The following NSMCE2 variants were observed in gnomAD, a reference collection of about 807,000 sequenced individuals.
The protein encoded by NSMCE2 is E3 SUMO-protein ligase NSE2.
A neutral mutation model predicts 23.8 loss-of-function variants in NSMCE2; 24 were observed. That is an observed-to-expected ratio of 1.01 (90% CI 0.73 to 1.42). The LOEUF is 1.42. NSMCE2 is among the 40% of genes most tolerant of loss of function. The probability of loss-of-function intolerance (pLI) is 0.00; values close to 1 mark genes in which losing one functional copy is unlikely to be tolerated. For synonymous variants in NSMCE2, 92 were observed against 94.1 expected (o/e 0.98, Z 0.13); for missense variants, 284 against 296.5 (o/e 0.96, Z 0.31).
chr8:125,287,055 G>GGT (rs2131148731), intron 5 of NSMCE2, among the ~76,000 whole-genome samples: 1 of 152,266 alleles, frequency 6.6e-6, no homozygotes, highest in Admixed American at 6.5e-5. Context: ...AATTTGGCCA[G>GGT]GTGTGGTGGC....
At chr8:125,295,824 A>G (rs193083677) in intron 5 of NSMCE2, among the ~76,000 whole-genome samples, 2 of 152,304 alleles carry the variant, frequency 1.3e-5, no homozygotes, top group African/African-American at 2.4e-5. Flanking sequence ...TTAAGCTCTA[A>G]TGAATTCTGT....
chr8:125,110,262 G>A (rs1189688602), intron 3 of NSMCE2, among the ~76,000 whole-genome samples: 1 of 152,192 alleles, frequency 6.6e-6, no homozygotes, highest in Non-Finnish European at 1.5e-5. Context: ...AGGATTAAAA[G>A]TTTTACCAGA....
At chr8:125,099,827 G>A (rs1818099993) in intron 1 of NSMCE2, among the ~76,000 whole-genome samples, 1 of 151,990 alleles carries the variant, frequency 6.6e-6, no homozygotes, top group South Asian at 2.1e-4. Flanking sequence ...TAGAGAAATG[G>A]GGCTGGTAAC....
chr8:125,351,123 G>T (rs1357655514), intron 5 of NSMCE2, among the ~76,000 whole-genome samples: 1 of 152,198 alleles, frequency 6.6e-6, no homozygotes, highest in Admixed American at 6.5e-5. Context: ...GAGCAACTCG[G>T]TGGATGCTGA....
intron 3 of NSMCE2, among the ~76,000 whole-genome samples, chr8:125,107,063 T>C (rs1474316071): frequency 6.6e-6 from 1 of 152,170 alleles, no homozygotes; most frequent in Non-Finnish European, 1.5e-5. Context: ...TTGTTGTCTT[T>C]GAAATTACAG....
At chr8:125,109,676 GTGTT>G (rs1273412079) in intron 3 of NSMCE2, among the ~76,000 whole-genome samples, 1 of 152,112 alleles carries the variant, frequency 6.6e-6, no homozygotes, top group East Asian at 1.9e-4. Context: ...GGGTGGTGAT[GTGTT>G]TTATTTTGTT....
At chr8:125,154,592 A>G (rs1821212946) in intron 4 of NSMCE2, among the ~76,000 whole-genome samples, 1 of 152,130 alleles carries the variant, frequency 6.6e-6, no homozygotes, top group Non-Finnish European at 1.5e-5. Flanking sequence ...AAATTCTCAG[A>G]TAGTCTCTAA....
At chr8:125,142,803 T>C (rs1820452500) in intron 3 of NSMCE2, among the ~76,000 whole-genome samples, 1 of 152,196 alleles carries the variant, frequency 6.6e-6, no homozygotes, top group Non-Finnish European at 1.5e-5. Context: ...GGTTTCTCCA[T>C]GTTGGTCAGG....
At chr8:125,354,868 A>G (rs1813186578) in intron 5 of NSMCE2, among the ~76,000 whole-genome samples, 1 of 152,168 alleles carries the variant, frequency 6.6e-6, no homozygotes, top group South Asian at 2.1e-4. Flanking sequence ...TCCAAAACCC[A>G]CAATGCTCCA....
chr8:125,229,545 A>G (rs1825235125), intron 5 of NSMCE2, among the ~76,000 whole-genome samples: 2 of 152,204 alleles, frequency 1.3e-5, no homozygotes, highest in African/African-American at 2.4e-5. Context: ...AGTTTAAGAT[A>G]GCTAAAGAAG....
chr8:125,150,422 C>CTTTT (rs1820933390), intron 3 of NSMCE2, among the ~76,000 whole-genome samples: 1 of 93,916 alleles, frequency 1.1e-5, no homozygotes, highest in Admixed American at 1.1e-4. Context: ...TCTTTTCTTT[C>CTTTT]TTTCTTTTTT....
In NSMCE2 at chr8:125,102,248, T is replaced by C. The variant is rs2130358543; in HGVS notation, c.-14-69T>C. On this transcript the variant is annotated intron_variant, in intron 2 of 7. Coordinates refer to ENST00000287437, the MANE Select transcript of NSMCE2 (RefSeq NM_173685.4). The stretch of plus-strand genomic sequence containing the variant: ...TTTGTATGAATGTTTACAGCAGTTT[T>C]ATTAATATTTTCCTGTGCAGTTATT... 1.9e-5 allele frequency: 19 copies of C among 1,014,728 alleles called. No individual in the cohort carries two copies. The South Asian group carries it at 2.5e-4, about 13-fold the overall frequency. The allele number at this position is 1,014,728 out of a possible 1,614,324, so 62.9% of individuals were successfully genotyped here.
chr8:125,254,241 T>C (rs1053280690), intron 5 of NSMCE2, among the ~76,000 whole-genome samples: 1 of 152,146 alleles, frequency 6.6e-6, no homozygotes. Flanking sequence ...AAAACAAAAG[T>C]CTTTTGCATT....
chr8:125,125,839 G>A (rs917556235), intron 3 of NSMCE2, among the ~76,000 whole-genome samples: 2 of 152,152 alleles, frequency 1.3e-5, no homozygotes, highest in African/African-American at 2.4e-5. Flanking sequence ...AGTTCACCTT[G>A]TTGTCCCCTC....
At chr8:125,283,043 G>A (rs1003656071) in intron 5 of NSMCE2, among the ~76,000 whole-genome samples, 5 of 152,246 alleles carry the variant, frequency 3.3e-5, no homozygotes, top group Middle Eastern at 6.8e-3. Context: ...GTGACCTTGG[G>A]TATATTATGT....
chr8:125,354,167 G>A (rs904987375), intron 5 of NSMCE2, among the ~76,000 whole-genome samples: 2 of 151,894 alleles, frequency 1.3e-5, no homozygotes, highest in Admixed American at 6.6e-5. Context: ...CCTGACCTCA[G>A]GTGATCTGCC....
chr8:125,329,495 A>C (rs1463137384), intron 5 of NSMCE2, among the ~76,000 whole-genome samples: 2 of 152,212 alleles, frequency 1.3e-5, no homozygotes, highest in African/African-American at 4.8e-5. Flanking sequence ...ATTGAGGGTT[A>C]GGTGTTTATG....
intron 5 of NSMCE2, among the ~76,000 whole-genome samples, chr8:125,248,023 A>G (rs571969849): frequency 9.2e-5 from 14 of 152,356 alleles, no homozygotes; most frequent in African/African-American, 3.1e-4. Context: ...TGTAGAGAAA[A>G]GTTGGCTCAT....
intron 5 of NSMCE2, among the ~76,000 whole-genome samples, chr8:125,351,144 G>C (rs1399613133): frequency 6.6e-6 from 1 of 152,066 alleles, no homozygotes; most frequent in African/African-American, 2.4e-5. Flanking sequence ...CTGAGAAGAG[G>C]AGAACCAAAG....
Sources: gnomAD v4.1 joint callset for allele counts (sites outside exome capture counted in the v4.1 genomes callset) on GRCh38, gnomAD v4.1.1 for gene constraint, MANE v1.5 for transcripts, NCBI Gene and HGNC (gene_info 2026-07-23, HGNC 2026-07-21) for gene names.